The following ARFIP1 variants were observed in gnomAD, a reference collection of about 807,000 sequenced individuals.
The protein encoded by ARFIP1 is arfaptin-1.
In ARFIP1, 24 loss-of-function variants were observed where a neutral mutation model predicts 42.5. The ratio of observed to expected loss-of-function variants is 0.57; its 90% confidence interval spans 0.41 to 0.80. The LOEUF is 0.80. Among genes scored for constraint, ARFIP1 ranks in the 30% least tolerant of loss-of-function variants. The pLI, the probability that ARFIP1 is intolerant of heterozygous loss-of-function variation, is 0.00. For synonymous variants in ARFIP1, 141 were observed against 153.7 expected (o/e 0.92, Z 0.61); for missense variants, 354 against 434.0 (o/e 0.82, Z 1.64).
chr4:152,879,326 ATAT>A (rs1735632819), intron 5 of ARFIP1, among the ~76,000 whole-genome samples: 1 of 152,178 alleles, frequency 6.6e-6, no homozygotes. Flanking sequence ...AATATTCAGG[ATAT>A]TATATATAGC....
chr4:152,861,217 C>G lies in ARFIP1; in HGVS notation c.94-2389C>G, dbSNP rs143923654. On this transcript the variant is annotated intron_variant, in intron 2 of 8. Coordinates refer to ENST00000353617, the MANE Select transcript of ARFIP1 (RefSeq NM_001025595.3). ...CTGGGTACCTAATCGTAATATAGTCCCAGAGAGTCCTCCAAAGATGATGCA... is the reference window on the plus strand; with the variant it reads ...CTGGGTACCTAATCGTAATATAGTCGCAGAGAGTCCTCCAAAGATGATGCA... Among the ~76,000 whole-genome samples, 27 of 152,106 alleles carry G rather than the reference C, an allele frequency of 1.8e-4. 1 individual carries two copies. In the East Asian group the frequency reaches 5.0e-3, roughly 28 times the overall value.
chr4:152,831,558 C>T (rs1237526460), intron 2 of ARFIP1, among the ~76,000 whole-genome samples: 1 of 152,222 alleles, frequency 6.6e-6, no homozygotes, highest in Non-Finnish European at 1.5e-5. Flanking sequence ...TCCAGGACCT[C>T]AGAAGGCTTC....
intron 2 of ARFIP1, among the ~76,000 whole-genome samples, chr4:152,862,263 T>C (rs1198762945): frequency 1.3e-5 from 2 of 152,174 alleles, no homozygotes; most frequent in African/African-American, 4.8e-5. Context: ...GCGTTCCATA[T>C]CATCCATGTT....
chr4:152,888,412 A>G, intron 8 of ARFIP1, 105 bp downstream of exon 8: 1 of 756,502 alleles, frequency 1.3e-6, no homozygotes, highest in Non-Finnish European at 2.0e-6. Flanking sequence ...GACAATTGCA[A>G]GAAGGAATTC....
chr4:152,877,294 C>T (rs887052600), intron 5 of ARFIP1, among the ~76,000 whole-genome samples: 1 of 152,150 alleles, frequency 6.6e-6, no homozygotes, highest in Admixed American at 6.5e-5. Context: ...TGGGAACCCA[C>T]CTCCTGCATC....
rs142054477 is a variant in ARFIP1, at chr4:152,844,913, C to T, written c.93+15187C>T. Among the ~76,000 whole-genome samples the T allele has an allele frequency of 9.2e-3, 1,393 of 152,108 alleles. 9 individuals carry two copies. Among genetic ancestry groups the T allele is most frequent in the Non-Finnish European group, 0.015 (1,022 of 67,978 alleles). On this transcript the variant is annotated intron_variant, in intron 2 of 8. Coordinates refer to ENST00000353617, the MANE Select transcript of ARFIP1 (RefSeq NM_001025595.3). ...AAAGAGTCCAAATAGCCAAAGGAATCCTAAGCAAAAAGAACAAGGCTGGAG... is the reference window on the plus strand; with the variant it reads ...AAAGAGTCCAAATAGCCAAAGGAATTCTAAGCAAAAAGAACAAGGCTGGAG...
chr4:152,878,813 A>G (rs538237696), intron 5 of ARFIP1, among the ~76,000 whole-genome samples: 22 of 152,312 alleles, frequency 1.4e-4, no homozygotes, highest in African/African-American at 4.8e-4. Context: ...TCCTTCTTCA[A>G]TGAATTCTGA....
At chr4:152,825,148 CAG>C (rs1222637696) in intron 1 of ARFIP1, among the ~76,000 whole-genome samples, 3 of 151,808 alleles carry the variant, frequency 2.0e-5, no homozygotes, top group Non-Finnish European at 4.4e-5. Flanking sequence ...CCCAAAGAAT[CAG>C]TGAAATTCCT....
At chr4:152,844,164 C>T (rs1732350945) in intron 2 of ARFIP1, among the ~76,000 whole-genome samples, 1 of 152,180 alleles carries the variant, frequency 6.6e-6, no homozygotes, top group African/African-American at 2.4e-5. Flanking sequence ...AAATCAGAAA[C>T]TTCTCCCACG....
chr4:152,814,097 C>CTTCTTT (rs1561116468), intron 1 of ARFIP1, among the ~76,000 whole-genome samples: 6 of 110,874 alleles, frequency 5.4e-5, no homozygotes, highest in Non-Finnish European at 1.2e-4. Flanking sequence ...TCTTCTTCTT[C>CTTCTTT]TTTTTTTTTT....
chr4:152,804,499 TA>T (rs1728849968), intron 1 of ARFIP1, among the ~76,000 whole-genome samples: 5 of 126,054 alleles, frequency 4.0e-5, no homozygotes, highest in East Asian at 2.1e-4. Context: ...TATATATATA[TA>T]ATATATATAT....
At chr4:152,903,463 T>C (rs1738017413) in intron 8 of ARFIP1, among the ~76,000 whole-genome samples, 1 of 152,104 alleles carries the variant, frequency 6.6e-6, no homozygotes, top group South Asian at 2.1e-4. Context: ...GATTAAATTT[T>C]ATACTTCATT....
chr4:152,904,818 A>G (rs1055688327), intron 8 of ARFIP1, among the ~76,000 whole-genome samples: 2 of 152,016 alleles, frequency 1.3e-5, no homozygotes, highest in East Asian at 1.9e-4. Flanking sequence ...GGTTGATTCC[A>G]TGTCTTCACT....
chr4:152,828,504 A>G (rs1731015666), intron 1 of ARFIP1, among the ~76,000 whole-genome samples: 1 of 152,156 alleles, frequency 6.6e-6, no homozygotes, highest in Non-Finnish European at 1.5e-5. Context: ...GCCACTTTAC[A>G]TTGTCTTTGA....
At chr4:152,809,288 C>G (rs6535877) in intron 1 of ARFIP1, among the ~76,000 whole-genome samples, 50,896 of 151,896 alleles carry the variant, frequency 0.34, 8,752 homozygotes, top group Middle Eastern at 0.41. Context: ...CATATGGGTC[C>G]TGACTTGTAG....
chr4:152,798,920 G>A (rs148043615), intron 1 of ARFIP1, among the ~76,000 whole-genome samples: 1 of 152,278 alleles, frequency 6.6e-6, no homozygotes, highest in Non-Finnish European at 1.5e-5. Context: ...GTTTCACTTA[G>A]CAAACAGTCA....
At chr4:152,855,047 A>G (rs1053067992) in intron 2 of ARFIP1, among the ~76,000 whole-genome samples, 5 of 152,204 alleles carry the variant, frequency 3.3e-5, no homozygotes, top group African/African-American at 9.7e-5. Context: ...GCAGTAGCAG[A>G]CGACCCTTTG....
At chr4:152,875,395 A>G (rs1735245340) in intron 5 of ARFIP1, among the ~76,000 whole-genome samples, 1 of 150,462 alleles carries the variant, frequency 6.6e-6, no homozygotes, top group Non-Finnish European at 1.5e-5. Context: ...AAAAAAAAAA[A>G]AAAAAAGAAT....
intron 8 of ARFIP1, among the ~76,000 whole-genome samples, chr4:152,906,767 T>C (rs553275783): frequency 6.6e-6 from 1 of 152,328 alleles, no homozygotes; most frequent in African/African-American, 2.4e-5. Context: ...ACCCATTACC[T>C]GTCTTACCGC....
Sources: gnomAD v4.1 joint callset for allele counts (sites outside exome capture counted in the v4.1 genomes callset) on GRCh38, gnomAD v4.1.1 for gene constraint, MANE v1.5 for transcripts, NCBI Gene and HGNC (gene_info 2026-07-23, HGNC 2026-07-21) for gene names.